Variants in CLPP observed in about 807,000 individuals in gnomAD.
CLPP encodes ATP-dependent Clp protease proteolytic subunit, mitochondrial.
A neutral mutation model predicts 27.4 loss-of-function variants in CLPP; 14 were observed. The ratio of observed to expected loss-of-function variants is 0.51; its 90% CI spans 0.34 to 0.80. The LOEUF (loss-of-function observed/expected upper bound fraction) is 0.80, where lower values mean the gene tolerates loss of function less well. Ranked by LOEUF, CLPP falls within the 30% of genes least tolerant of loss-of-function variation. CLPP has a pLI of 0.02. For missense variants in CLPP, 361 were observed against 403.6 expected (o/e 0.89, Z 0.90); for synonymous variants, 193 against 166.6 (o/e 1.16, Z -1.22).
intron 3 of CLPP, among the ~76,000 whole-genome samples, chr19:6,363,630 G>C (rs1470417226): frequency 6.6e-6 from 1 of 152,100 alleles, no homozygotes; most frequent in Non-Finnish European, 1.5e-5. Context: ...GGACGCAGTG[G>C]CTTACGCTTG....
intron 3 of CLPP, among the ~76,000 whole-genome samples, 183 bp from the exon 4 acceptor site, chr19:6,364,269 A>T (rs2091850558): frequency 6.6e-6 from 1 of 151,980 alleles, no homozygotes; most frequent in Non-Finnish European, 1.5e-5. Context: ...TGACCTTGTG[A>T]TCCGCCTGCC....
At chr19:6,365,027 C>T (rs183588826) in intron 4 of CLPP, 57 of 178,462 alleles carry the variant, frequency 3.2e-4, no homozygotes, top group Admixed American at 4.6e-4. Context: ...CTGGGCCAGC[C>T]GGGAGTGGAT....
intron 4 of CLPP, 80 bp downstream of exon 4, chr19:6,364,719 G>C: frequency 7.5e-7 from 1 of 1,336,926 alleles, no homozygotes; most frequent in Non-Finnish European, 1.0e-6. Context: ...GAAGTCAAGC[G>C]TGGGAGGGGA....
intron 2 of CLPP, 113 bp from the exon 3 acceptor site, chr19:6,362,333 C>T: frequency 4.1e-6 from 3 of 733,454 alleles, no homozygotes; most frequent in East Asian, 2.6e-5. Context: ...TTCCCCATCC[C>T]TTTTACTTTG....
chr19:6,363,464 A>G (rs1290408119), intron 3 of CLPP, among the ~76,000 whole-genome samples: 1 of 152,070 alleles, frequency 6.6e-6, no homozygotes, highest in African/African-American at 2.4e-5. Flanking sequence ...ATCTGATCCC[A>G]TGGTCCACTG....
intron 5 of CLPP, among the ~76,000 whole-genome samples, chr19:6,366,733 G>T (rs1053076179): frequency 1.3e-5 from 2 of 151,846 alleles, no homozygotes; most frequent in Non-Finnish European, 2.9e-5. Context: ...CTGCCTCCTG[G>T]GCTCAAGCAA....
chr19:6,362,364 G>T (rs1397540788), intron 2 of CLPP, 82 bp from the exon 3 acceptor site: 3 of 941,508 alleles, frequency 3.2e-6, no homozygotes, highest in Non-Finnish European at 5.2e-6. Context: ...CCCCTTCCTG[G>T]TTCCCTGACC....
intron 5 of CLPP, 61 bp downstream of exon 5, chr19:6,366,424 G>A: frequency 7.5e-7 from 1 of 1,334,068 alleles, no homozygotes; most frequent in Non-Finnish European, 1.1e-6. Context: ...GTTGCTCTAA[G>A]CCAGGGCTTC....
Position 6,361,583 on chromosome 19 carries a change from C to T in CLPP, c.9C>T (p.Pro3=), listed in dbSNP as rs755697628. 43 of 1,408,886 alleles carry T rather than the reference C, an allele frequency of 3.1e-5. No homozygotes were observed. Among genetic ancestry groups the T allele is most frequent in the Non-Finnish European group, 3.8e-5 (41 of 1,078,952 alleles). The allele number at this position is 1,408,886 out of a possible 1,614,324, so 87.3% of individuals were successfully genotyped here. ...CCGGGGCGTGCGGAGGGATGTGGCC[C>T]GGAATATTGGTAGGGGGGGCCCGGG... MW[P]GILVGGARVA... Residue 3 remains proline, a synonymous_variant, in exon 1 of 6, where the codon CCC becomes CCT. Transcript: ENST00000245816.
Position 6,364,648 on chromosome 19 carries a change from C to G in CLPP, c.555+9C>G, listed in dbSNP as rs1246140293. 1 of 1,604,894 alleles carries G rather than the reference C, an allele frequency of 6.2e-7. No individual in the cohort carries two copies. The highest frequency in any genetic ancestry group is 1.3e-5 in the African/African-American group (1 of 74,948). The stretch of plus-strand genomic sequence containing the variant: ...CCTCAGGAGGCGCCCGGGTGAGTGC[C>G]AGACACGCGAGCTGCTGTTGGGAAT... On this transcript the variant is annotated intron_variant, in intron 4 of 5. Transcript: ENST00000245816.
rs555716661 is a variant in CLPP, at chr19:6,362,252, C to T, written c.271-194C>T. On this transcript the variant is annotated intron_variant, in intron 2 of 5. Coordinates refer to ENST00000245816, the MANE Select transcript of CLPP (RefSeq NM_006012.4). ...TGTGTCCCTAGCCCCCTGACTCCCC[C>T]CTTCCTGTGCTCCAAACCCCCTGGG... 5.1e-5 allele frequency: 31 copies of T among 604,014 alleles called. No homozygotes were observed. The Admixed American group carries it at 6.2e-4, about 12-fold the overall frequency. 37.4% of individuals were successfully genotyped at this position (604,014 alleles called of 1,614,324 possible). A position where few individuals can be genotyped will look rare whatever the true frequency, so the allele number is the denominator to read the frequency against.
chr19:6,364,794 T>G, intron 4 of CLPP, 155 bp downstream of exon 4: 1 of 699,084 alleles, frequency 1.4e-6, no homozygotes. Context: ...AGTGGTGCGA[T>G]CTCGGCTCAC....
Position 6,366,446 on chromosome 19 carries a change from C to G in CLPP, c.661+83C>G. Reference sequence around the variant, plus strand: ...TAAGCCAGGGCTTCTCCACCTGGCCCCTGCGGACTTTCAGGGCTGGATCGT... The same window carrying G: ...TAAGCCAGGGCTTCTCCACCTGGCCGCTGCGGACTTTCAGGGCTGGATCGT... On this transcript the variant is annotated intron_variant, in intron 5 of 5. Transcript: ENST00000245816. 2.9e-6 allele frequency: 3 copies of G among 1,050,746 alleles called. No homozygotes were observed. In the South Asian group the frequency reaches 4.2e-5, roughly 15 times the overall value. 65.1% of individuals were successfully genotyped at this position (1,050,746 alleles called of 1,614,324 possible).
intron 4 of CLPP, chr19:6,364,842 C>T (rs2091854442): frequency 3.8e-6 from 2 of 526,964 alleles, no homozygotes; most frequent in South Asian, 5.1e-5. Context: ...CATTCTTCTG[C>T]CTGAGCCTCC....
intron 3 of CLPP, 48 bp downstream of exon 3, chr19:6,362,590 G>A (rs771625423): frequency 4.8e-6 from 6 of 1,249,688 alleles, no homozygotes; most frequent in South Asian, 1.2e-5. Flanking sequence ...CAGGGCACAC[G>A]GGTGACTCAG....
chr19:6,361,639 C>A lies in CLPP; in HGVS notation c.65C>A (p.Pro22His). The change falls in exon 1 of 6, where the codon CCT becomes CAT. Residue 22 changes from proline (P) to histidine (H), a missense_variant. Transcript: ENST00000245816. ...TCATGCAGGTACCCCGCGCTGGGGC[C>A]TCGCCTCGCCGCTCACTTTCCAGCG... is the stretch of plus-strand genomic sequence containing the variant. The part of the protein sequence containing the change: ...VASCRYPALG[P>H]RLAAHFPAQR... 1 of 1,427,914 alleles carries A rather than the reference C, an allele frequency of 7.0e-7. No homozygotes were observed. The highest frequency in any genetic ancestry group is 2.8e-5 in the Admixed American group (1 of 35,090). The allele number at this position is 1,427,914 out of a possible 1,614,324, so 88.5% of individuals were successfully genotyped here. A position where few individuals can be genotyped will look rare whatever the true frequency, so the allele number is the denominator to read the frequency against.
Position 6,369,564 on chromosome 19 carries a change from C to T in CLPP, c.*854C>T, listed in dbSNP as rs182613703. 5.9e-5 allele frequency among the ~76,000 whole-genome samples: 9 copies of T among 152,198 alleles called. No individual in the cohort carries two copies. The East Asian group carries it at 1.7e-3, about 29-fold the overall frequency. On this transcript the variant is annotated 3_prime_UTR_variant, in exon 6 of 6. Coordinates refer to ENST00000245816, the MANE Select transcript of CLPP (RefSeq NM_006012.4). ...AGGAGGTGAGGGGTGGAGCCTGTGT[C>T]CAGGCAGAGGGCACAGCCAGTGCAA...
chr19:6,368,150 A>G (rs893240652), intron 5 of CLPP, among the ~76,000 whole-genome samples: 4 of 152,134 alleles, frequency 2.6e-5, no homozygotes, highest in African/African-American at 7.2e-5. Context: ...ACAAAACACC[A>G]CAGACCTCAA....
chr19:6,368,353 T>A (rs928921917), intron 5 of CLPP, among the ~76,000 whole-genome samples, 185 bp from the exon 6 acceptor site: 2 of 152,138 alleles, frequency 1.3e-5, no homozygotes, highest in African/African-American at 4.8e-5. Context: ...AAGGGGCCCC[T>A]GACCCCATCT....
Sources: allele counts gnomAD v4.1 joint callset (sites outside exome capture counted in the v4.1 genomes callset), GRCh38; gene constraint gnomAD v4.1.1; transcripts MANE v1.5; gene names NCBI Gene and HGNC (gene_info 2026-07-23, HGNC 2026-07-21).